The following PLEKHG5 variants were observed in gnomAD, a reference collection of about 807,000 sequenced individuals.
PLEKHG5 encodes the protein pleckstrin homology and RhoGEF domain containing G5.
Under a neutral mutation model 103.8 loss-of-function variants are expected in PLEKHG5, and 52 were observed. That is an observed-to-expected ratio of 0.50 (90% CI 0.40 to 0.63). The LOEUF is 0.63. Ranked by LOEUF, PLEKHG5 falls within the 30% of genes least tolerant of loss-of-function variation. The pLI is 0.00. For synonymous variants in PLEKHG5, 592 were observed against 575.5 expected, an observed-to-expected ratio of 1.03 and a Z score of -0.41; for missense variants, 1,205 against 1,347.6, an observed-to-expected ratio of 0.89 and a Z score of 1.66.
intron 1 of PLEKHG5, among the ~76,000 whole-genome samples, chr1:6,504,280 C>T (rs928400077): frequency 7.2e-5 from 11 of 152,186 alleles, no homozygotes; most frequent in East Asian, 1.9e-4. Flanking sequence ...CCACACTCCT[C>T]CTCACCCCAC....
At chr1:6,511,648 G>T (rs1264143077) in intron 1 of PLEKHG5, among the ~76,000 whole-genome samples, 1 of 152,222 alleles carries the variant, frequency 6.6e-6, no homozygotes. Context: ...CATGTGAGAT[G>T]GGGGACTGAG....
At chr1:6,514,011 T>C (rs1160751632) in intron 1 of PLEKHG5, among the ~76,000 whole-genome samples, 3 of 152,170 alleles carry the variant, frequency 2.0e-5, no homozygotes, top group Non-Finnish European at 4.4e-5. Context: ...CTGGATCCTG[T>C]TCATTTACAT....
chr1:6,493,521 C>T (rs1645180804), upstream of PLEKHG5, among the ~76,000 whole-genome samples: 1 of 152,196 alleles, frequency 6.6e-6, no homozygotes, highest in Admixed American at 6.5e-5. Context: ...CCTCCGTTTC[C>T]TTACAAGTCA....
intron 18 of PLEKHG5, 24 bp from the exon 19 acceptor site, chr1:6,469,265 G>A (rs1242058220): frequency 6.2e-7 from 1 of 1,613,880 alleles, no homozygotes; most frequent in East Asian, 2.2e-5. Context: ...TGGGGTACAT[G>A]GGACAGAATG....
intron 19 of PLEKHG5, 22 bp downstream of exon 19, chr1:6,469,020 G>A (rs1232489153): frequency 6.2e-7 from 1 of 1,600,758 alleles, no homozygotes; most frequent in African/African-American, 1.3e-5. Context: ...TTGACCTGCT[G>A]GGTGGTCATG....
intron 20 of PLEKHG5, 34 bp from the exon 21 acceptor site, chr1:6,467,606 G>A (rs761958853): frequency 4.3e-6 from 7 of 1,610,766 alleles, no homozygotes; most frequent in Non-Finnish European, 4.2e-6. Flanking sequence ...GTCCTTCTTT[G>A]GCTGACGCCA....
intron 1 of PLEKHG5, among the ~76,000 whole-genome samples, chr1:6,514,858 AG>A (rs1287006823): frequency 2.6e-5 from 4 of 151,642 alleles, no homozygotes; most frequent in Non-Finnish European, 5.9e-5. Context: ...ACCTTAGGTC[AG>A]GAGTTTAAGA....
chr1:6,503,166 A>T (rs577596076), intron 1 of PLEKHG5, among the ~76,000 whole-genome samples: 1 of 152,240 alleles, frequency 6.6e-6, no homozygotes, highest in African/African-American at 2.4e-5. Flanking sequence ...TAATCCCAAC[A>T]CTTTGGGAAG....
chr1:6,497,428 AGGCG>A, upstream of PLEKHG5: 1 of 845,386 alleles, frequency 1.2e-6, no homozygotes, highest in Non-Finnish European at 1.4e-6. The surrounding 1 kb of genome is among the most constrained non-coding windows in gnomAD (Gnocchi z 6.1). Flanking sequence ...CTCGCACGGG[AGGCG>A]GGCGGGGCAG....
At chr1:6,469,516 C>G (rs749940121) in intron 17 of PLEKHG5, 28 bp downstream of exon 17, 1 of 1,613,680 alleles carries the variant, frequency 6.2e-7, no homozygotes, top group Admixed American at 1.7e-5. Flanking sequence ...CAGCCCCTGA[C>G]CAGGAACAGG....
upstream of PLEKHG5, chr1:6,497,132 G>C (rs373338852): frequency 2.0e-5 from 23 of 1,161,334 alleles, no homozygotes; most frequent in Admixed American, 4.8e-4. This position sits in a 1 kb window ranked among gnomAD's most constrained non-coding sequence, Gnocchi z 6.1. Flanking sequence ...GAGGCGGGGG[G>C]AGGGAGGAGA....
Position 6,467,441 on chromosome 1 carries a change from T to G in PLEKHG5, c.*122A>C, listed in dbSNP as rs1378106622. On this transcript the variant is annotated 3_prime_UTR_variant, in exon 21 of 21. Coordinates refer to ENST00000377728, the MANE Select transcript of PLEKHG5 (RefSeq NM_020631.6). ...AATCGGGCCCGGGCGTAGGCAGGGATCCTGCCCAGCATCCGGCTCATGCAT... is the reference window on the plus strand; with the variant it reads ...AATCGGGCCCGGGCGTAGGCAGGGAGCCTGCCCAGCATCCGGCTCATGCAT... 1 of 1,036,380 alleles carries G rather than the reference T, an allele frequency of 9.6e-7. No individual in the cohort carries two copies. Among genetic ancestry groups the G allele is most frequent in the African/African-American group, 1.6e-5 (1 of 63,916 alleles). The allele number at this position is 1,036,380 out of a possible 1,614,324, so 64.2% of individuals were successfully genotyped here.
chr1:6,490,785 G>A lies in PLEKHG5; in HGVS notation c.-88+852C>T, dbSNP rs966644452. 2.6e-5 allele frequency among the ~76,000 whole-genome samples: 4 copies of A among 152,252 alleles called. No individual in the cohort carries two copies. In the South Asian group the frequency reaches 8.3e-4, roughly 32 times the overall value. On this transcript the variant is annotated intron_variant, in intron 1 of 20. Transcript: ENST00000377728. This position sits in a 1 kb window ranked among gnomAD's most constrained non-coding sequence, Gnocchi z 8.0. ...CCGGGCTCAGGGGAGGGGGTGGGGG[G>A]CGTCACTGTCCCCGAGGGGCCAGCC... is the stretch of plus-strand genomic sequence containing the variant.
At chr1:6,476,312 T>C (rs755745562) in intron 2 of PLEKHG5, among the ~76,000 whole-genome samples, 18 of 152,190 alleles carry the variant, frequency 1.2e-4, no homozygotes, top group Non-Finnish European at 2.2e-4. Flanking sequence ...TGCTTCAGCC[T>C]CTTGAGTAGC....
chr1:6,485,369 C>A, intron 1 of PLEKHG5: 1 of 1,419,836 alleles, frequency 7.0e-7, no homozygotes, highest in Non-Finnish European at 9.1e-7. Flanking sequence ...AGGAGGGCTC[C>A]GAGTCCCGGA....
At chr1:6,488,362 C>T (rs954130171) in intron 1 of PLEKHG5, among the ~76,000 whole-genome samples, 4 of 152,250 alleles carry the variant, frequency 2.6e-5, no homozygotes, top group African/African-American at 9.6e-5. Flanking sequence ...ACAGGGCAGG[C>T]GTGGGGCCTG....
At chr1:6,481,721 G>A (rs1170437254) in intron 1 of PLEKHG5, among the ~76,000 whole-genome samples, 9 of 151,260 alleles carry the variant, frequency 6.0e-5, no homozygotes, top group East Asian at 1.9e-4. Context: ...AAACTTAGCC[G>A]GGCATGGTGG....
At chr1:6,471,185 C>T (rs997039213) in intron 12 of PLEKHG5, 85 bp from the exon 13 acceptor site, 39 of 1,117,794 alleles carry the variant, frequency 3.5e-5, no homozygotes, top group Non-Finnish European at 3.4e-5. Flanking sequence ...CAAGCGCTTC[C>T]TTACTGCACT....
intron 16 of PLEKHG5, 61 bp from the exon 17 acceptor site, chr1:6,469,737 G>T (rs1240600912): frequency 6.4e-7 from 1 of 1,565,424 alleles, no homozygotes; most frequent in Non-Finnish European, 8.8e-7. Flanking sequence ...AGGGACTGTG[G>T]CACCAGCCTC....
Sources: allele counts gnomAD v4.1 joint callset (sites outside exome capture counted in the v4.1 genomes callset), GRCh38; gene constraint gnomAD v4.1.1; non-coding constraint Gnocchi (gnomAD v3.1); transcripts MANE v1.5; gene names NCBI Gene and HGNC (gene_info 2026-07-23, HGNC 2026-07-21).